The following RB1 variants were observed in gnomAD, a reference collection of about 807,000 sequenced individuals.
The protein encoded by RB1 is RB transcriptional corepressor 1.
In RB1, 18 loss-of-function variants were observed where a neutral mutation model predicts 135.4. That is an observed-to-expected ratio of 0.13 (90% CI 0.09 to 0.20). The LOEUF is 0.20. RB1 is among the 10% of genes least tolerant of loss of function. The pLI, the probability that RB1 is intolerant of heterozygous loss-of-function variation, is 1.00. For missense variants in RB1, 868 were observed against 1,110.0 expected (o/e 0.78, Z 3.10); for synonymous variants, 365 against 373.2 (o/e 0.98, Z 0.25).
chr13:48,460,752 G>A (rs976460822), intron 20 of RB1, among the ~76,000 whole-genome samples: 12 of 152,110 alleles, frequency 7.9e-5, no homozygotes, highest in Non-Finnish European at 1.6e-4. Flanking sequence ...CTTGAGCTCA[G>A]GAGTTTGAGA....
At chr13:48,439,267 A>G (rs1310409828) in intron 17 of RB1, among the ~76,000 whole-genome samples, 1 of 152,218 alleles carries the variant, frequency 6.6e-6, no homozygotes, top group Non-Finnish European at 1.5e-5. Flanking sequence ...ATGAGATAAT[A>G]TATGTAAAAT....
chr13:48,457,548 C>G (rs1949368436), intron 19 of RB1, among the ~76,000 whole-genome samples: 1 of 152,210 alleles, frequency 6.6e-6, no homozygotes, highest in Admixed American at 6.5e-5. Context: ...CCTTCAGGCG[C>G]TCCCTGGCCT....
intron 17 of RB1, among the ~76,000 whole-genome samples, chr13:48,403,615 T>A (rs1299886633): frequency 1.3e-5 from 2 of 152,082 alleles, no homozygotes; most frequent in Admixed American, 1.3e-4. Flanking sequence ...AAAGTGCTGT[T>A]TGGCAATGGT....
At chr13:48,411,207 A>G in intron 17 of RB1, 1 of 555,358 alleles carries the variant, frequency 1.8e-6, no homozygotes, top group Non-Finnish European at 3.2e-6. Context: ...TGGAGTGGAT[A>G]CACAAATAAA....
chr13:48,326,358 TTTTG>T (rs912780027), intron 2 of RB1, among the ~76,000 whole-genome samples: 9 of 152,128 alleles, frequency 5.9e-5, no homozygotes, highest in Non-Finnish European at 8.8e-5. Flanking sequence ...TGGTCTTGTT[TTTTG>T]TTTGTTTGTT....
intron 7 of RB1, 198 bp downstream of exon 7, chr13:48,360,325 T>C: frequency 8.1e-7 from 1 of 1,235,166 alleles, no homozygotes; most frequent in Non-Finnish European, 1.1e-6. Flanking sequence ...TGGTAGAAAG[T>C]GGTTTGGGTC....
chr13:48,315,375 T>C (rs1029126602), intron 2 of RB1, among the ~76,000 whole-genome samples: 1 of 152,242 alleles, frequency 6.6e-6, no homozygotes, highest in Non-Finnish European at 1.5e-5. Context: ...TTTTTGTACA[T>C]TGATTTTATA....
chr13:48,394,955 A>G (rs949850319), intron 17 of RB1, among the ~76,000 whole-genome samples: 4 of 152,186 alleles, frequency 2.6e-5, no homozygotes. Context: ...TGACTGGGAA[A>G]CACCTCCTGG....
At chr13:48,310,854 A>T (rs77801228) in intron 2 of RB1, among the ~76,000 whole-genome samples, 2 of 152,140 alleles carry the variant, frequency 1.3e-5, no homozygotes, top group East Asian at 1.9e-4. Flanking sequence ...TTCTTTTTTT[A>T]AAATAAATAT....
rs1411090163 is a variant in RB1 at position 48,304,023 on chromosome 13, C to A, written c.111C>A (p.Ser37Arg). The change falls in exon 1 of 27, where the codon AGC (serine) becomes AGA (arginine). Residue 37 changes from serine to arginine, a missense_variant. Ser to Arg is a moderately radical substitution (Grantham distance 110, BLOSUM62 -1). This residue lies in a region of RB1 where 641 missense variants were observed against 791.3 expected (regional missense o/e 0.81). Transcript: ENST00000267163. Reference protein sequence around the residue: ...PPPEEDPEQDSGPEDLPLVRL... With the variant: ...PPPEEDPEQDRGPEDLPLVRL... ...CTGAGGAGGACCCAGAGCAGGACAGCGGCCCGGAGGACCTGCCTCTCGTCA... is the reference window on the plus strand; with the variant it reads ...CTGAGGAGGACCCAGAGCAGGACAGAGGCCCGGAGGACCTGCCTCTCGTCA... The A allele has an allele frequency of 6.8e-7, 1 of 1,467,550 alleles. No individual in the cohort carries two copies. The allele number at this position is 1,467,550 out of a possible 1,614,324, so 90.9% of individuals were successfully genotyped here. A position where few individuals can be genotyped will look rare whatever the true frequency, so the allele number is the denominator to read the frequency against.
chr13:48,421,952 A>G (rs1949012307), intron 17 of RB1, among the ~76,000 whole-genome samples: 2 of 152,210 alleles, frequency 1.3e-5, no homozygotes. Flanking sequence ...TGTGGAAGAC[A>G]GTGTGGCGAT....
At chr13:48,475,104 T>C (rs144777876) in intron 24 of RB1, among the ~76,000 whole-genome samples, 17 of 152,162 alleles carry the variant, frequency 1.1e-4, no homozygotes, top group African/African-American at 4.1e-4. Flanking sequence ...AACTCCTGGC[T>C]TCCACGATAC....
intron 2 of RB1, among the ~76,000 whole-genome samples, chr13:48,339,058 C>A (rs1247920362): frequency 1.3e-5 from 2 of 152,156 alleles, no homozygotes; most frequent in Non-Finnish European, 2.9e-5. Flanking sequence ...GGGTACTCAG[C>A]TGCGTGTGGT....
At position 48,463,563 on chromosome 13, in the gene RB1, T is replaced by C. The variant is rs375469639; in HGVS notation, c.2107-168T>C. On this transcript the variant is annotated intron_variant, in intron 20 of 26. Transcript: ENST00000267163. Reference sequence around the variant, plus strand: ...TTGCATTTTGTTCTTTAAACACACTTTGGGTTAAACACTTCATGTAGACTT... The same window carrying C: ...TTGCATTTTGTTCTTTAAACACACTCTGGGTTAAACACTTCATGTAGACTT... Among the ~76,000 whole-genome samples the C allele has an allele frequency of 1.7e-4, 26 of 152,314 alleles. 2 individuals carry two copies. Among genetic ancestry groups the C allele is most frequent in the African/African-American group, 6.3e-4 (26 of 41,580 alleles).
chr13:48,430,790 G>A (rs937871091), intron 17 of RB1, among the ~76,000 whole-genome samples: 1 of 151,642 alleles, frequency 6.6e-6, no homozygotes, highest in African/African-American at 2.4e-5. Context: ...GTAGAGGCCT[G>A]CTGTGGCTCA....
intron 7 of RB1, among the ~76,000 whole-genome samples, chr13:48,362,041 G>A (rs1407064280): frequency 6.0e-5 from 9 of 148,944 alleles, no homozygotes; most frequent in Non-Finnish European, 8.9e-5. Flanking sequence ...TCTGCCTCCC[G>A]GGTTCAAGCA....
intron 17 of RB1, among the ~76,000 whole-genome samples, chr13:48,386,058 A>AAG (rs1948569133): frequency 1.3e-5 from 2 of 149,672 alleles, no homozygotes; most frequent in African/African-American, 4.9e-5. Flanking sequence ...AAAAAAAAAA[A>AAG]GCTAGGTGTG....
chr13:48,426,716 C>G (rs983232082), intron 17 of RB1: 1 of 152,170 alleles, frequency 6.6e-6, no homozygotes, highest in Non-Finnish European at 1.5e-5. Context: ...TTCTTGACTT[C>G]TAGTCAAATG....
chr13:48,408,251 C>T (rs116200153), intron 17 of RB1, among the ~76,000 whole-genome samples: 2,801 of 151,668 alleles, frequency 0.018, 106 homozygotes, highest in African/African-American at 0.065. Flanking sequence ...GTTTAATTTT[C>T]TGTGAATATA....
Sources: allele counts gnomAD v4.1 joint callset (sites outside exome capture counted in the v4.1 genomes callset), GRCh38; gene constraint gnomAD v4.1.1; regional missense constraint gnomAD v4.1.1; transcripts MANE v1.5; gene names NCBI Gene and HGNC (gene_info 2026-07-23, HGNC 2026-07-21).